The following ASRGL1 variants were observed in gnomAD, a reference collection of about 807,000 sequenced individuals.
ASRGL1 encodes isoaspartyl peptidase/L-asparaginase.
In ASRGL1, 16 loss-of-function variants were observed where a neutral mutation model predicts 22.4. The ratio of observed to expected loss-of-function variants is 0.71; its 90% confidence interval spans 0.48 to 1.08. The LOEUF (loss-of-function observed/expected upper bound fraction) is 1.08, where lower values mean the gene tolerates loss of function less well. ASRGL1 is among the 50% of genes least tolerant of loss of function. The pLI, the probability that ASRGL1 is intolerant of heterozygous loss-of-function variation, is 0.00. For synonymous variants in ASRGL1, 165 were observed against 159.3 expected, an observed-to-expected ratio of 1.04 and a Z score of -0.27; for missense variants, 412 against 410.1, an observed-to-expected ratio of 1.00 and a Z score of -0.04.
intron 4 of ASRGL1, among the ~76,000 whole-genome samples, chr11:62,362,748 A>G (rs1157423840): frequency 1.8e-5 from 2 of 110,702 alleles, no homozygotes; most frequent in Admixed American, 1.4e-4. Context: ...TATATATTAT[A>G]TATATAAATT....
chr11:62,392,005 C>A, intron 6 of ASRGL1, 74 bp from the exon 7 acceptor site: 1 of 1,542,930 alleles, frequency 6.5e-7, no homozygotes, highest in Admixed American at 1.7e-5. Context: ...TTTGGCATTT[C>A]AAATGGCAAG....
Position 62,393,176 on chromosome 11 carries a change from TC to T in ASRGL1, c.*895del. The T allele has an allele frequency of 6.6e-6, 1 of 152,274 alleles. No homozygotes were observed. 9.4% of individuals were successfully genotyped at this position (152,274 alleles called of 1,614,324 possible). ...ACCCTGTCCAGTGCTTTGAGATTCTTCCCACCTCCCCATCCTCACCAGCCGG... is the reference window on the plus strand; with the variant it reads ...ACCCTGTCCAGTGCTTTGAGATTCTTCCACCTCCCCATCCTCACCAGCCGG... On this transcript the variant is annotated 3_prime_UTR_variant, in exon 7 of 7. Transcript: ENST00000415229.
rs749655327 is a variant in ASRGL1 at position 62,357,115 on chromosome 11, A to C, written c.462A>C (p.Glu154Asp). 2.4e-5 allele frequency: 39 copies of C among 1,613,846 alleles called. No homozygotes were observed. The highest frequency in any genetic ancestry group is 3.1e-5 in the Non-Finnish European group (36 of 1,179,986). Residue 154 changes from glutamate (E) to aspartate (D), a missense_variant, in exon 4 of 7, where the codon GAA (glutamate) becomes GAC (aspartate). Coordinates refer to ENST00000415229, the MANE Select transcript of ASRGL1 (RefSeq NM_001083926.2). ...AGCGCCTGGAAAAAGAGAAGCATGA[A>C]AAAGGTGCTCAGAAAACAGATTGTC... ...NKKRLEKEKH[E>D]KGAQKTDCQK... is the part of the protein sequence containing the mutation.
Position 62,362,576 on chromosome 11 carries a change from T to G in ASRGL1, c.491+5432T>G, listed in dbSNP as rs1451372191. 5.4e-4 allele frequency among the ~76,000 whole-genome samples: 28 copies of G among 52,196 alleles called. 2 individuals are homozygous for G. The highest frequency in any genetic ancestry group is 1.9e-3 in the African/African-American group (27 of 14,380). The allele number at this position is 52,196 out of a possible 152,430, so 34.2% of individuals were successfully genotyped here. On this transcript the variant is annotated intron_variant, in intron 4 of 6. Coordinates refer to ENST00000415229, the MANE Select transcript of ASRGL1 (RefSeq NM_001083926.2). Reference sequence around the variant, plus strand: ...ACATATATTATTTATATAATATATATTATATAAAATATATAATATATATTA... The same window carrying G: ...ACATATATTATTTATATAATATATAGTATATAAAATATATAATATATATTA...
At chr11:62,391,780 T>A in intron 6 of ASRGL1, 148 bp downstream of exon 6, 1 of 1,043,482 alleles carries the variant, frequency 9.6e-7, no homozygotes, top group Non-Finnish European at 1.4e-6. Flanking sequence ...GTTTTGACTC[T>A]CCGCCTTCCC....
chr11:62,393,118 T>C lies in ASRGL1; in HGVS notation c.*834T>C, dbSNP rs564655449. On this transcript the variant is annotated 3_prime_UTR_variant, in exon 7 of 7. Coordinates refer to ENST00000415229, the MANE Select transcript of ASRGL1 (RefSeq NM_001083926.2). Reference sequence around the variant, plus strand: ...TCCAACAACAGAGAGGAGCTGATGCTGTAGGGCTGACCCCGTGACTTCCTG... The same window carrying C: ...TCCAACAACAGAGAGGAGCTGATGCCGTAGGGCTGACCCCGTGACTTCCTG... 12 of 152,396 alleles carry C rather than the reference T, an allele frequency of 7.9e-5. No homozygotes were observed. The highest frequency in any genetic ancestry group is 2.6e-4 in the African/African-American group (11 of 41,574). 9.4% of individuals were successfully genotyped at this position (152,396 alleles called of 1,614,324 possible). A position where few individuals can be genotyped will look rare whatever the true frequency, so the allele number is the denominator to read the frequency against.
chr11:62,362,575 A>G (rs1180336744), intron 4 of ASRGL1, among the ~76,000 whole-genome samples: 1 of 66,166 alleles, frequency 1.5e-5, no homozygotes, highest in Non-Finnish European at 2.8e-5. Context: ...TATAATATAT[A>G]TTATATAAAA....
intron 4 of ASRGL1, among the ~76,000 whole-genome samples, chr11:62,359,083 A>C (rs759480356): frequency 1.3e-5 from 2 of 152,140 alleles, no homozygotes; most frequent in Non-Finnish European, 2.9e-5. Context: ...GAGTTAGTGT[A>C]GTGTCTGTAG....
intron 4 of ASRGL1, among the ~76,000 whole-genome samples, chr11:62,375,567 A>G (rs1040633897): frequency 6.7e-6 from 1 of 150,278 alleles, no homozygotes; most frequent in Non-Finnish European, 1.5e-5. Context: ...TGCTCTCCCT[A>G]GGCAAGTAGG....
chr11:62,360,018 T>G (rs1946394872), intron 4 of ASRGL1, among the ~76,000 whole-genome samples: 2 of 150,822 alleles, frequency 1.3e-5, no homozygotes, highest in African/African-American at 4.9e-5. Context: ...TTTTTGCTTT[T>G]CTTTTTTTTT....
intron 4 of ASRGL1, among the ~76,000 whole-genome samples, chr11:62,358,285 G>A (rs1350956474): frequency 2.7e-5 from 4 of 149,278 alleles, no homozygotes; most frequent in African/African-American, 9.9e-5. Context: ...CAGGAGAATC[G>A]CTTGAACCCG....
At chr11:62,389,905 A>G (rs1041414599) in intron 5 of ASRGL1, 1 of 154,764 alleles carries the variant, frequency 6.5e-6, no homozygotes, top group African/African-American at 2.4e-5. Flanking sequence ...AGAGCAGCTT[A>G]TTCTTTTAGA....
At chr11:62,382,771 GC>G (rs1181168033) in intron 4 of ASRGL1, 1 of 152,286 alleles carries the variant, frequency 6.6e-6, no homozygotes, top group Non-Finnish European at 1.5e-5. Context: ...ACAATACCTG[GC>G]TTTCCTAGGC....
chr11:62,391,895 T>C (rs1282000753), intron 6 of ASRGL1, 184 bp from the exon 7 acceptor site: 1 of 762,628 alleles, frequency 1.3e-6, no homozygotes, highest in Non-Finnish European at 2.1e-6. Flanking sequence ...AAGACCCCTC[T>C]GCTCAGGCTG....
At chr11:62,373,024 C>T in intron 4 of ASRGL1, 1 of 1,381,176 alleles carries the variant, frequency 7.2e-7, no homozygotes, top group Non-Finnish European at 1.0e-6. Context: ...AAGTCTTCCA[C>T]TGCAGCCCAG....
chr11:62,342,764 AAAAAAAAGTCAT>A lies in ASRGL1; in HGVS notation c.190+4601_190+4612del, dbSNP rs893885679. 1.7e-4 allele frequency among the ~76,000 whole-genome samples: 26 copies of A among 152,160 alleles called. No homozygotes were observed. In the East Asian group the frequency reaches 1.7e-3, roughly 10 times the overall value. On this transcript the variant is annotated intron_variant, in intron 2 of 6. Coordinates refer to ENST00000415229, the MANE Select transcript of ASRGL1 (RefSeq NM_001083926.2). Reference sequence around the variant, plus strand: ...CAAAGAGAGACTCTGTCTCCAAAAAAAAAAAAAGTCATAAATGGAATCACACAATGTGTAGCC... The same window carrying A: ...CAAAGAGAGACTCTGTCTCCAAAAAAAAATGGAATCACACAATGTGTAGCC...
At chr11:62,380,115 A>G (rs1290588307) in intron 4 of ASRGL1, among the ~76,000 whole-genome samples, 1 of 152,042 alleles carries the variant, frequency 6.6e-6, no homozygotes, top group Non-Finnish European at 1.5e-5. Flanking sequence ...AGCAACTCCC[A>G]TTATTGCTTG....
chr11:62,391,454 TC>T (rs1360562376), intron 5 of ASRGL1, 67 bp from the exon 6 acceptor site: 2 of 1,533,420 alleles, frequency 1.3e-6, no homozygotes, highest in African/African-American at 2.7e-5. Flanking sequence ...TCATGTAGCG[TC>T]CGACTTCTAA....
chr11:62,363,469 A>T (rs1191507359), intron 4 of ASRGL1, among the ~76,000 whole-genome samples: 1 of 152,208 alleles, frequency 6.6e-6, no homozygotes, highest in Non-Finnish European at 1.5e-5. Flanking sequence ...AACAAAATTG[A>T]ATAACATTCT....
Sources: gnomAD v4.1 joint callset for allele counts (sites outside exome capture counted in the v4.1 genomes callset) on GRCh38, gnomAD v4.1.1 for gene constraint, MANE v1.5 for transcripts, NCBI Gene and HGNC (gene_info 2026-07-23, HGNC 2026-07-21) for gene names.